The following LRRC8D variants were observed in gnomAD, a reference collection of about 807,000 sequenced individuals.
LRRC8D encodes the protein volume-regulated anion channel subunit LRRC8D.
A neutral mutation model predicts 55.8 loss-of-function variants in LRRC8D; 20 were observed. The ratio of observed to expected loss-of-function variants is 0.36; its 90% CI spans 0.25 to 0.52. LRRC8D has a LOEUF of 0.52. Among genes scored for constraint, LRRC8D ranks in the 20% least tolerant of loss-of-function variants. The pLI, the probability that LRRC8D is intolerant of heterozygous loss-of-function variation, is 0.93. For missense variants in LRRC8D, 651 were observed against 1,030.8 expected, an observed-to-expected ratio of 0.63 and a Z score of 5.05; for synonymous variants, 352 against 377.0, an observed-to-expected ratio of 0.93 and a Z score of 0.77.
At chr1:89,875,592 A>G (rs1212649558) in intron 2 of LRRC8D, among the ~76,000 whole-genome samples, 1 of 152,188 alleles carries the variant, frequency 6.6e-6, no homozygotes, top group Non-Finnish European at 1.5e-5. Flanking sequence ...GGTCAGAGAA[A>G]GCCTTTCATA....
intron 2 of LRRC8D, among the ~76,000 whole-genome samples, chr1:89,921,823 C>T (rs1304438499): frequency 1.3e-5 from 2 of 152,004 alleles, no homozygotes; most frequent in African/African-American, 2.4e-5. Context: ...GGATTACAAG[C>T]GTGAGCCACT....
At chr1:89,927,498 G>A (rs144704526) in intron 2 of LRRC8D, among the ~76,000 whole-genome samples, 3,965 of 152,296 alleles carry the variant, frequency 0.026, 72 homozygotes, top group Middle Eastern at 0.075. Flanking sequence ...GTGCTGCTAT[G>A]AGCATTCTCA....
chr1:89,851,955 A>C (rs1006560295), intron 2 of LRRC8D, among the ~76,000 whole-genome samples: 3 of 152,124 alleles, frequency 2.0e-5, no homozygotes, highest in Admixed American at 6.5e-5. Flanking sequence ...CAAAGATGTT[A>C]ACCTTGGCCA....
intron 1 of LRRC8D, among the ~76,000 whole-genome samples, chr1:89,823,260 T>C (rs1262552595): frequency 1.3e-5 from 2 of 152,202 alleles, no homozygotes; most frequent in Non-Finnish European, 2.9e-5. Context: ...GCCATATTCA[T>C]ATCATTTTCT....
At chr1:89,927,386 T>G (rs1328566222) in intron 2 of LRRC8D, among the ~76,000 whole-genome samples, 1 of 152,266 alleles carries the variant, frequency 6.6e-6, no homozygotes, top group Non-Finnish European at 1.5e-5. Flanking sequence ...AGATCATTCA[T>G]TCTTGTTGCT....
At chr1:89,843,330 T>A (rs1014749793) in intron 1 of LRRC8D, 3 of 224,872 alleles carry the variant, frequency 1.3e-5, no homozygotes, top group Non-Finnish European at 2.6e-5. Flanking sequence ...TTGATCTAGG[T>A]ACTTGTGGGG....
intron 1 of LRRC8D, among the ~76,000 whole-genome samples, chr1:89,831,169 G>A (rs1269365441): frequency 6.6e-6 from 1 of 152,072 alleles, no homozygotes; most frequent in East Asian, 1.9e-4. Context: ...GCCTCCCAAA[G>A]TGCTGGGATT....
intron 2 of LRRC8D, among the ~76,000 whole-genome samples, chr1:89,844,066 G>A (rs896263299): frequency 1.3e-5 from 2 of 152,226 alleles, no homozygotes; most frequent in Non-Finnish European, 2.9e-5. Flanking sequence ...GCCAGTGCTC[G>A]GGGAGTCTTC....
chr1:89,862,148 CTA>C (rs1261386595), intron 2 of LRRC8D, among the ~76,000 whole-genome samples: 1 of 152,186 alleles, frequency 6.6e-6, no homozygotes. Context: ...TCAGGTCACT[CTA>C]TGCAGCGATT....
intron 1 of LRRC8D, among the ~76,000 whole-genome samples, chr1:89,836,814 C>T (rs1430076737): frequency 6.6e-6 from 1 of 152,200 alleles, no homozygotes; most frequent in African/African-American, 2.4e-5. Context: ...GCTAATTTAA[C>T]TAAGTCAATT....
At chr1:89,837,994 ATTATAT>A (rs558065513) in intron 1 of LRRC8D, among the ~76,000 whole-genome samples, 131 of 152,306 alleles carry the variant, frequency 8.6e-4, no homozygotes, top group South Asian at 1.9e-3. Flanking sequence ...AATAATGAAC[ATTATAT>A]TTATTTGACT....
chr1:89,878,041 T>G (rs1028869110), intron 2 of LRRC8D, among the ~76,000 whole-genome samples: 4 of 152,196 alleles, frequency 2.6e-5, no homozygotes, highest in Non-Finnish European at 4.4e-5. Context: ...TGATAGAAAT[T>G]GAAAAATGAA....
chr1:89,877,406 G>A (rs905477822), intron 2 of LRRC8D, among the ~76,000 whole-genome samples: 1 of 152,180 alleles, frequency 6.6e-6, no homozygotes, highest in Non-Finnish European at 1.5e-5. Flanking sequence ...CTTTAAGTGT[G>A]TATGTGCTTT....
At position 89,851,586 on chromosome 1, in the gene LRRC8D, T is replaced by G. The variant is rs568831470; in HGVS notation, c.-3+7804T>G. 2.0e-4 allele frequency among the ~76,000 whole-genome samples: 31 copies of G among 152,152 alleles called. No homozygotes were observed. The South Asian group carries it at 4.8e-3, about 23-fold the overall frequency. On this transcript the variant is annotated intron_variant, in intron 2 of 2. Transcript: ENST00000337338. ...GTGCAATGGCACAATCTCGGCTCAC[T>G]GCAGCCTCTGCCTCCTGGGTTCAAG...
intron 1 of LRRC8D, among the ~76,000 whole-genome samples, chr1:89,822,430 C>T (rs751298080): frequency 1.3e-5 from 2 of 152,218 alleles, no homozygotes; most frequent in Non-Finnish European, 2.9e-5. Flanking sequence ...AGATTTCCTG[C>T]TCTTGGATCT....
At chr1:89,871,453 C>A (rs1400085959) in intron 2 of LRRC8D, among the ~76,000 whole-genome samples, 1 of 152,134 alleles carries the variant, frequency 6.6e-6, no homozygotes, top group African/African-American at 2.4e-5. Flanking sequence ...ATACCCCCTT[C>A]CCTCTCCTAA....
Position 89,933,108 on chromosome 1 carries a change from C to G in LRRC8D, c.40C>G (p.Gln14Glu). ...LAEVASLNDI[Q>E]PTYRILKPWW... is the part of the protein sequence containing the mutation. ...GGAAGTTGCATCACTTAATGACATT[C>G]AGCCAACTTACCGAATCCTGAAACC... Residue 14 changes from glutamine (Q) to glutamate (E), a missense_variant, in exon 3 of 3, where the codon CAG becomes GAG. By Grantham distance (29) the Gln-to-Glu change is conservative. This residue lies in a region of LRRC8D where 15 missense variants were observed against 22.0 expected (regional missense o/e 0.68). Coordinates refer to ENST00000337338, the MANE Select transcript of LRRC8D (RefSeq NM_001134479.2). The surrounding 1 kb of genome is among the most constrained non-coding windows in gnomAD (Gnocchi z 7.0). The G allele has an allele frequency of 6.2e-7, 1 of 1,612,852 alleles. No individual in the cohort carries two copies. The highest frequency in any genetic ancestry group is 8.5e-7 in the Non-Finnish European group (1 of 1,178,888).
intron 1 of LRRC8D, among the ~76,000 whole-genome samples, chr1:89,841,346 G>A (rs1248368991): frequency 2.6e-5 from 4 of 152,160 alleles, no homozygotes; most frequent in Admixed American, 6.5e-5. Context: ...AGGAGAAAAG[G>A]GTGGGTGAGG....
In LRRC8D at chr1:89,865,549, A is replaced by G. The variant is rs140206454; in HGVS notation, c.-3+21767A>G. On this transcript the variant is annotated intron_variant, in intron 2 of 2. Transcript: ENST00000337338. ...TCCAAATATGTACTTAAGGCATATGAGTCTTTTGACTGATAGTAGTAATGT... is the reference window on the plus strand; with the variant it reads ...TCCAAATATGTACTTAAGGCATATGGGTCTTTTGACTGATAGTAGTAATGT... Among the ~76,000 whole-genome samples, 650 of 152,152 alleles carry G rather than the reference A, an allele frequency of 4.3e-3. 11 individuals are homozygous for G. Among genetic ancestry groups the G allele is most frequent in the African/African-American group, 0.015 (617 of 41,534 alleles).
Sources: allele counts gnomAD v4.1 joint callset (sites outside exome capture counted in the v4.1 genomes callset), GRCh38; gene constraint gnomAD v4.1.1; regional missense constraint gnomAD v4.1.1; non-coding constraint Gnocchi (gnomAD v3.1); transcripts MANE v1.5; gene names NCBI Gene and HGNC (gene_info 2026-07-23, HGNC 2026-07-21).